Variants in CARMIL1 observed in about 807,000 individuals in gnomAD.
CARMIL1 encodes the protein capping protein regulator and myosin 1 linker 1, also known as F-actin-uncapping protein LRRC16A.
A neutral mutation model predicts 177.1 loss-of-function variants in CARMIL1; 90 were observed. The ratio of observed to expected loss-of-function variants is 0.51; its 90% CI spans 0.43 to 0.61. CARMIL1 has a LOEUF of 0.61. CARMIL1 is among the 20% of genes least tolerant of loss of function. The probability of loss-of-function intolerance (pLI) is 0.00; values close to 1 mark genes in which losing one functional copy is unlikely to be tolerated. For missense variants in CARMIL1, 1,380 were observed against 1,667.0 expected, an observed-to-expected ratio of 0.83 and a Z score of 3.00; for synonymous variants, 577 against 606.2, an observed-to-expected ratio of 0.95 and a Z score of 0.71.
At chr6:25,485,542 C>A (rs1802555387) in intron 12 of CARMIL1, among the ~76,000 whole-genome samples, 1 of 152,206 alleles carries the variant, frequency 6.6e-6, no homozygotes, top group Admixed American at 6.5e-5. Context: ...TCAAGCGATT[C>A]TCTTGCCTCA....
At chr6:25,422,263 A>T (rs1281587439) in intron 3 of CARMIL1, among the ~76,000 whole-genome samples, 2 of 152,168 alleles carry the variant, frequency 1.3e-5, no homozygotes, top group Non-Finnish European at 2.9e-5. Flanking sequence ...TTTGCTCATT[A>T]GTCCTTTCTT....
intron 5 of CARMIL1, among the ~76,000 whole-genome samples, chr6:25,443,976 T>C (rs1797986836): frequency 6.6e-6 from 1 of 152,120 alleles, no homozygotes; most frequent in African/African-American, 2.4e-5. Context: ...AATAATTTTG[T>C]GTTTTTAGTA....
chr6:25,527,803 T>G (rs1486624370), intron 23 of CARMIL1: 1 of 308,182 alleles, frequency 3.2e-6, no homozygotes, highest in African/African-American at 2.2e-5. Context: ...CTAATTGATA[T>G]TAAGTAATAG....
chr6:25,422,356 C>T (rs533158421), intron 3 of CARMIL1, among the ~76,000 whole-genome samples: 1 of 152,162 alleles, frequency 6.6e-6, no homozygotes, highest in Non-Finnish European at 1.5e-5. Flanking sequence ...GTTATTGGTA[C>T]AAATGAAATG....
chr6:25,615,627 G>C (rs1410093054), intron 36 of CARMIL1, among the ~76,000 whole-genome samples: 1 of 152,258 alleles, frequency 6.6e-6, no homozygotes, highest in East Asian at 1.9e-4. Context: ...ACTTGGCTGT[G>C]ACTTGCAGTC....
intron 3 of CARMIL1, among the ~76,000 whole-genome samples, chr6:25,422,737 A>G (rs1795965127): frequency 6.6e-6 from 1 of 152,198 alleles, no homozygotes; most frequent in Non-Finnish European, 1.5e-5. Flanking sequence ...CAAGCACCCT[A>G]TTGAATAGAA....
At chr6:25,317,074 A>G (rs898212995) in intron 2 of CARMIL1, among the ~76,000 whole-genome samples, 50 of 152,312 alleles carry the variant, frequency 3.3e-4, no homozygotes, top group African/African-American at 1.2e-3. Flanking sequence ...CGTGCTGTTT[A>G]TTCTCTAATG....
chr6:25,299,491 C>G (rs746340823), intron 2 of CARMIL1, among the ~76,000 whole-genome samples: 21 of 151,908 alleles, frequency 1.4e-4, no homozygotes, highest in African/African-American at 1.9e-4. Flanking sequence ...TTCTTAATCT[C>G]CAGGCTGTGC....
intron 2 of CARMIL1, among the ~76,000 whole-genome samples, chr6:25,397,702 A>T (rs1793540118): frequency 6.6e-6 from 1 of 152,134 alleles, no homozygotes; most frequent in African/African-American, 2.4e-5. Flanking sequence ...TGGATAAAGG[A>T]TGGTGGTGTC....
At chr6:25,416,572 G>A (rs1020795896) in intron 2 of CARMIL1, among the ~76,000 whole-genome samples, 6 of 152,208 alleles carry the variant, frequency 3.9e-5, no homozygotes, top group African/African-American at 1.4e-4. Flanking sequence ...AAAGGATCCT[G>A]AATTCCTTTG....
chr6:25,612,846 A>C, intron 36 of CARMIL1: 5 of 985,382 alleles, frequency 5.1e-6, no homozygotes, highest in Non-Finnish European at 6.0e-6. Flanking sequence ...CAGAAGAGGA[A>C]GTGAATGCAA....
At position 25,315,766 on chromosome 6, in the gene CARMIL1, G is replaced by C. The variant is rs372937655; in HGVS notation, c.138+30857G>C. On this transcript the variant is annotated intron_variant, in intron 2 of 36. Coordinates refer to ENST00000329474, the MANE Select transcript of CARMIL1 (RefSeq NM_017640.6). ...CTAGGCTGTTAGTTTTCCTTTTGCTGTGCTCACACAGAACCAGATACAGCA... is the reference window on the plus strand; with the variant it reads ...CTAGGCTGTTAGTTTTCCTTTTGCTCTGCTCACACAGAACCAGATACAGCA... Among the ~76,000 whole-genome samples, 25 of 152,316 alleles carry C rather than the reference G, an allele frequency of 1.6e-4. No homozygotes were observed. In the South Asian group the frequency reaches 4.8e-3, roughly 29 times the overall value.
At chr6:25,544,196 T>C (rs1410443) in intron 26 of CARMIL1, among the ~76,000 whole-genome samples, 19,342 of 152,062 alleles carry the variant, frequency 0.13, 1,289 homozygotes, top group Middle Eastern at 0.17. Context: ...AAGGCAACAT[T>C]TGAAGAGATG....
chr6:25,547,818 CATTTT>C (rs1397667011), intron 26 of CARMIL1, among the ~76,000 whole-genome samples: 1 of 152,140 alleles, frequency 6.6e-6, no homozygotes, highest in Non-Finnish European at 1.5e-5. Context: ...ACTTCTTGAG[CATTTT>C]ATTTTATTTT....
intron 32 of CARMIL1, 141 bp from the exon 33 acceptor site, chr6:25,600,173 C>A: frequency 2.8e-6 from 2 of 704,590 alleles, no homozygotes; most frequent in Non-Finnish European, 4.7e-6. Context: ...TTCCTAAGGG[C>A]GGTAACTCAA....
At chr6:25,463,639 C>T (rs1800313795) in intron 8 of CARMIL1, among the ~76,000 whole-genome samples, 1 of 152,302 alleles carries the variant, frequency 6.6e-6, no homozygotes, top group South Asian at 2.1e-4. Context: ...TACAAGAGAA[C>T]GCTCAGCGTG....
Position 25,488,549 on chromosome 6 carries a change from C to G in CARMIL1, c.1029C>G (p.Asp343Glu), listed in dbSNP as rs1364562356. The G allele has an allele frequency of 6.2e-7, 1 of 1,614,000 alleles. No homozygotes were observed. Among genetic ancestry groups the G allele is most frequent in the Non-Finnish European group, 8.5e-7 (1 of 1,179,866 alleles). Residue 343 changes from aspartate to glutamate, a missense_variant, in exon 13 of 37, where the codon GAC (aspartate) becomes GAG (glutamate). Coordinates refer to ENST00000329474, the MANE Select transcript of CARMIL1 (RefSeq NM_017640.6). ...PLTASTLVHL[D>E]LSGNVLRGDD... Reference sequence around the variant, plus strand: ...CCGCCTCTACCCTTGTCCACCTCGACCTCTCAGGGAACGTCCTTCGTGGAG... The same window carrying G: ...CCGCCTCTACCCTTGTCCACCTCGAGCTCTCAGGGAACGTCCTTCGTGGAG...
intron 3 of CARMIL1, among the ~76,000 whole-genome samples, chr6:25,425,212 G>C (rs1055726976): frequency 6.6e-6 from 1 of 152,118 alleles, no homozygotes; most frequent in Non-Finnish European, 1.5e-5. Context: ...CACATAGTGG[G>C]CTTTTCATAA....
At chr6:25,490,359 T>C (rs1803080531) in intron 13 of CARMIL1, among the ~76,000 whole-genome samples, 1 of 152,174 alleles carries the variant, frequency 6.6e-6, no homozygotes, top group Admixed American at 6.5e-5. Flanking sequence ...AGGATCTTCA[T>C]GTGAGAGCAA....
Sources: allele counts gnomAD v4.1 joint callset (sites outside exome capture counted in the v4.1 genomes callset), GRCh38; gene constraint gnomAD v4.1.1; transcripts MANE v1.5; gene names NCBI Gene and HGNC (gene_info 2026-07-23, HGNC 2026-07-21).